USP46: variants seen among roughly 807,000 people sequenced by gnomAD.
USP46 encodes the protein ubiquitin specific peptidase 46, also known as ubiquitin carboxyl-terminal hydrolase 46.
Under a neutral mutation model 44.4 loss-of-function variants are expected in USP46, and 12 were observed. The observed-to-expected ratio is 0.27, with a 90% CI of 0.17 to 0.44. The LOEUF (loss-of-function observed/expected upper bound fraction) is 0.44. Among genes scored for constraint, USP46 ranks in the 20% least tolerant of loss-of-function variants. USP46 has a pLI of 1.00. For synonymous variants in USP46, 155 were observed against 161.5 expected (o/e 0.96, Z 0.31); for missense variants, 248 against 444.8 (o/e 0.56, Z 3.98).
Position 52,609,898 on chromosome 4 carries a change from C to CTTTTTTT in USP46, c.638+636_638+642dup, listed in dbSNP as rs66817554. Among the ~76,000 whole-genome samples, 186 of 24,578 alleles carry CTTTTTTT rather than the reference C, an allele frequency of 7.6e-3. 44 individuals are homozygous for CTTTTTTT. The highest frequency in any genetic ancestry group is 0.012 in the Non-Finnish European group (150 of 12,200). 16.1% of individuals were successfully genotyped at this position (24,578 alleles called of 152,430 possible). On this transcript the variant is annotated intron_variant, in intron 5 of 8. Coordinates refer to ENST00000441222, the MANE Select transcript of USP46 (RefSeq NM_022832.4). Reference sequence around the variant, plus strand: ...GGAAACCTAAACCTCAATTCTATTTCTTTTTTTTTTTTTTTTTTTTTTTTT... The same window carrying CTTTTTTT: ...GGAAACCTAAACCTCAATTCTATTTCTTTTTTTTTTTTTTTTTTTTTTTTTTTTTTTT...
At chr4:52,598,844 T>C (rs1716345405) in intron 7 of USP46, 138 bp from the exon 8 acceptor site, 3 of 733,508 alleles carry the variant, frequency 4.1e-6, no homozygotes, top group East Asian at 2.7e-5. Context: ...ATATAGCTCA[T>C]GTCTATGTTT....
At chr4:52,623,906 C>A (rs573684437) in intron 4 of USP46, among the ~76,000 whole-genome samples, 1 of 151,440 alleles carries the variant, frequency 6.6e-6, no homozygotes, top group Non-Finnish European at 1.5e-5. Flanking sequence ...GGCAGCAGAG[C>A]GAGATTCTGT....
intron 4 of USP46, 117 bp from the exon 5 acceptor site, chr4:52,610,734 C>T: frequency 1.1e-6 from 1 of 928,284 alleles, no homozygotes; most frequent in Non-Finnish European, 1.7e-6. Context: ...TAAAGTCCTG[C>T]ATGGACATGT....
At chr4:52,619,237 TA>T (rs1195618649) in intron 4 of USP46, among the ~76,000 whole-genome samples, 1 of 150,106 alleles carries the variant, frequency 6.7e-6, no homozygotes. Flanking sequence ...ACTGTCTCCA[TA>T]AATCCCTCAG....
chr4:52,658,028 G>A (rs1719018561), intron 1 of USP46: 1 of 330,376 alleles, frequency 3.0e-6, no homozygotes, highest in Admixed American at 3.9e-5. Flanking sequence ...TTCCCTTTAG[G>A]GGCCAGTATT....
chr4:52,631,142 G>A lies in USP46; in HGVS notation c.39C>T (p.Gly13=). ...VRNIASICNM[G]TNASALEKDI... is the part of the protein sequence containing the mutation. ...CTTTTTCCAGAGCAGAGGCATTGGT[G>A]CCCTAAAAGAGAAAAATAGCAAAAG... The change falls in exon 2 of 9, where the codon GGC becomes GGT. Residue 13 remains glycine (G), a splice_region_variant and synonymous_variant. Coordinates refer to ENST00000441222, the MANE Select transcript of USP46 (RefSeq NM_022832.4). 1 of 1,553,020 alleles carries A rather than the reference G, an allele frequency of 6.4e-7. No homozygotes were observed. The highest frequency in any genetic ancestry group is 8.7e-7 in the Non-Finnish European group (1 of 1,147,034).
chr4:52,658,376 C>A, intron 1 of USP46: 1 of 424,596 alleles, frequency 2.4e-6, no homozygotes, highest in Non-Finnish European at 4.8e-6. Context: ...ATGTCCCTGG[C>A]TGTATCCATG....
At chr4:52,649,374 C>A (rs966584772) in intron 1 of USP46, among the ~76,000 whole-genome samples, 6 of 152,216 alleles carry the variant, frequency 3.9e-5, no homozygotes, top group African/African-American at 1.4e-4. Context: ...GAAGGTATTT[C>A]ATTGACTACC....
chr4:52,615,574 G>A (rs1717101678), intron 4 of USP46, among the ~76,000 whole-genome samples: 1 of 152,138 alleles, frequency 6.6e-6, no homozygotes, highest in Admixed American at 6.5e-5. Context: ...CCTGATACAT[G>A]CTACACCACC....
At chr4:52,604,408 A>G in intron 6 of USP46, 93 bp downstream of exon 6, 2 of 990,544 alleles carry the variant, frequency 2.0e-6, no homozygotes, top group Non-Finnish European at 3.1e-6. Flanking sequence ...AAGCCCAGGT[A>G]GCTGAGATTG....
intron 4 of USP46, among the ~76,000 whole-genome samples, chr4:52,619,350 G>A (rs1717291125): frequency 1.3e-5 from 2 of 152,082 alleles, no homozygotes; most frequent in Admixed American, 1.3e-4. Context: ...AAGCATGAAG[G>A]CTGGCAAAAA....
intron 1 of USP46, among the ~76,000 whole-genome samples, chr4:52,632,990 A>AAAGAAAGAAAGGAAAAG: frequency 3.0e-5 from 2 of 66,294 alleles, no homozygotes; most frequent in African/African-American, 6.1e-5. Flanking sequence ...GAAAGAAAAG[A>AAAGAAAGAAAGGAAAAG]AAAGAAAGAA....
At chr4:52,640,918 T>C (rs1057432320) in intron 1 of USP46, among the ~76,000 whole-genome samples, 1 of 151,862 alleles carries the variant, frequency 6.6e-6, no homozygotes, top group African/African-American at 2.4e-5. Context: ...AGAGCTGTAT[T>C]TGGCCATTTT....
intron 4 of USP46, among the ~76,000 whole-genome samples, chr4:52,615,720 T>C (rs1373248981): frequency 4.6e-5 from 7 of 152,050 alleles, no homozygotes; most frequent in Admixed American, 4.6e-4. Flanking sequence ...TGACCTCAAA[T>C]AAAACAGGAA....
rs1220342792 is a variant in USP46 at position 52,595,333 on chromosome 4, A to C, written c.*2307T>G. ...TGCCCAGTGTTTGTTTCATTTATTG[A>C]GAAGGAAGAGGGAAAAAATTAGCAG... On this transcript the variant is annotated 3_prime_UTR_variant, in exon 9 of 9. Transcript: ENST00000441222. 2 of 152,650 alleles carry C rather than the reference A, an allele frequency of 1.3e-5. No individual in the cohort carries two copies. The highest frequency in any genetic ancestry group is 3.8e-4 in the East Asian group (2 of 5,198). The allele number at this position is 152,650 out of a possible 1,614,324, so 9.5% of individuals were successfully genotyped here.
At chr4:52,633,442 A>G (rs1717991673) in intron 1 of USP46, among the ~76,000 whole-genome samples, 1 of 152,196 alleles carries the variant, frequency 6.6e-6, no homozygotes, top group Non-Finnish European at 1.5e-5. Flanking sequence ...ACAAGGCTGA[A>G]TTTTTGAAAT....
rs183013122 is a variant in USP46 at position 52,623,663 on chromosome 4, C to T, written c.561+2355G>A. 6.6e-5 allele frequency among the ~76,000 whole-genome samples: 10 copies of T among 152,246 alleles called. No homozygotes were observed. The East Asian group carries it at 1.7e-3, about 26-fold the overall frequency. On this transcript the variant is annotated intron_variant, in intron 4 of 8. Transcript: ENST00000441222. ...AGTAGGGGCCAGGTGCAGTGGCTCA[C>T]GCCTGTAATCCCAGCACTTTGGGAG... is the stretch of plus-strand genomic sequence containing the variant.
chr4:52,639,078 T>C (rs1381493734), intron 1 of USP46, among the ~76,000 whole-genome samples: 1 of 152,196 alleles, frequency 6.6e-6, no homozygotes, highest in African/African-American at 2.4e-5. Flanking sequence ...AGGGCTTAAA[T>C]ATGTTAAATG....
chr4:52,599,943 A>G (rs975946499), intron 7 of USP46, among the ~76,000 whole-genome samples: 1 of 152,054 alleles, frequency 6.6e-6, no homozygotes, highest in Non-Finnish European at 1.5e-5. Flanking sequence ...CCCCAACTGC[A>G]TTCTATTTAG....
Sources: gnomAD v4.1 joint callset for allele counts (sites outside exome capture counted in the v4.1 genomes callset) on GRCh38, gnomAD v4.1.1 for gene constraint, MANE v1.5 for transcripts, NCBI Gene and HGNC (gene_info 2026-07-23, HGNC 2026-07-21) for gene names.